Variants in CSTPP1 observed in about 807,000 individuals in gnomAD.
CSTPP1 encodes the protein UPF0705 protein C11orf49.
chr11:47,089,782 A>T, the CSTPP1 span, among the ~76,000 whole-genome samples: 5 of 152,308 alleles, frequency 3.3e-5, no homozygotes, highest in Non-Finnish European at 5.9e-5. Context: ...GTCAGCAGTG[A>T]CAGATAAAAA....
At chr11:47,070,269 A>G in the CSTPP1 span, among the ~76,000 whole-genome samples, 3 of 149,648 alleles carry the variant, frequency 2.0e-5, no homozygotes, top group African/African-American at 7.4e-5. Context: ...AGAGAGGGGG[A>G]GAGAGAGAGA....
At chr11:47,051,691 CTTT>C in the CSTPP1 span, among the ~76,000 whole-genome samples, 4 of 133,018 alleles carry the variant, frequency 3.0e-5, no homozygotes, top group Non-Finnish European at 3.3e-5. Flanking sequence ...TATCTTTTTT[CTTT>C]TTTTTTTTTT....
At chr11:47,161,979 A>C in the CSTPP1 span, 1 of 1,047,638 alleles carries the variant, frequency 9.5e-7, no homozygotes, top group Non-Finnish European at 1.1e-6. Context: ...GTCCCCCAAT[A>C]AGGTTCATCT....
chr11:46,955,841 A>T, the CSTPP1 span, among the ~76,000 whole-genome samples: 3 of 151,972 alleles, frequency 2.0e-5, no homozygotes, highest in African/African-American at 7.2e-5. Context: ...AAAATAAAAA[A>T]ATTAGCTGGG....
At chr11:47,061,901 C>A in the CSTPP1 span, among the ~76,000 whole-genome samples, 1 of 152,108 alleles carries the variant, frequency 6.6e-6, no homozygotes, top group Non-Finnish European at 1.5e-5. Context: ...TAACTTTAAT[C>A]TTTCCCCCTA....
the CSTPP1 span, among the ~76,000 whole-genome samples, chr11:47,037,984 C>G: frequency 4.0e-5 from 5 of 123,852 alleles, no homozygotes; most frequent in African/African-American, 1.3e-4. Context: ...GCTGACCCCC[C>G]CCACCTCCCT....
the CSTPP1 span, among the ~76,000 whole-genome samples, chr11:46,985,694 A>T: frequency 3.9e-5 from 6 of 152,226 alleles, no homozygotes; most frequent in African/African-American, 1.4e-4. Context: ...TAATGCTTTG[A>T]GACAGGCTTT....
At chr11:47,018,431 A>C in the CSTPP1 span, among the ~76,000 whole-genome samples, 2 of 150,826 alleles carry the variant, frequency 1.3e-5, no homozygotes, top group African/African-American at 4.9e-5. Flanking sequence ...AGTACCTGGG[A>C]TTACAGGCAC....
chr11:47,150,569 G>A, the CSTPP1 span, among the ~76,000 whole-genome samples: 2 of 152,146 alleles, frequency 1.3e-5, no homozygotes, highest in Non-Finnish European at 2.9e-5. Context: ...GGTTAGAAAA[G>A]GTGCTTTCCT....
the CSTPP1 span, among the ~76,000 whole-genome samples, chr11:47,147,969 CA>C: frequency 1.7e-4 from 26 of 152,120 alleles, no homozygotes; most frequent in African/African-American, 6.0e-4. Context: ...TTAGGCATTT[CA>C]GGGCAAGTAG....
chr11:47,022,937 G>A, the CSTPP1 span, among the ~76,000 whole-genome samples: 6 of 152,116 alleles, frequency 3.9e-5, no homozygotes, highest in Non-Finnish European at 8.8e-5. Flanking sequence ...AAGTCATACA[G>A]CCAGGAAGAT....
At chr11:46,956,576 G>A in the CSTPP1 span, among the ~76,000 whole-genome samples, 15 of 152,206 alleles carry the variant, frequency 9.9e-5, no homozygotes, top group African/African-American at 2.9e-4. Context: ...TATTTGTCCC[G>A]TTTCAACACA....
chr11:46,960,242 C>T, the CSTPP1 span, among the ~76,000 whole-genome samples: 18 of 152,166 alleles, frequency 1.2e-4, no homozygotes, highest in African/African-American at 4.1e-4. Context: ...TCAAGTGATT[C>T]TCTTGCCTCA....
the CSTPP1 span, among the ~76,000 whole-genome samples, chr11:46,970,860 C>G: frequency 2.0e-5 from 3 of 152,088 alleles, no homozygotes; most frequent in African/African-American, 7.2e-5. Context: ...AAATTAGAAT[C>G]AATCCACATG....
chr11:47,148,569 C>T, the CSTPP1 span, among the ~76,000 whole-genome samples: 1 of 152,212 alleles, frequency 6.6e-6, no homozygotes, highest in Non-Finnish European at 1.5e-5. Context: ...GAAACTAGAT[C>T]GCTGGCTTCT....
chr11:47,112,745 A>T, the CSTPP1 span, among the ~76,000 whole-genome samples: 3 of 152,326 alleles, frequency 2.0e-5, no homozygotes, highest in African/African-American at 7.2e-5. Flanking sequence ...GTAACATGTG[A>T]CACATAATAG....
chr11:47,070,121 C>T, the CSTPP1 span, among the ~76,000 whole-genome samples: 5 of 152,176 alleles, frequency 3.3e-5, no homozygotes, highest in African/African-American at 4.8e-5. Flanking sequence ...GTGCACATGC[C>T]GGTAATCTCA....
the CSTPP1 span, among the ~76,000 whole-genome samples, chr11:47,019,947 A>G: frequency 6.6e-6 from 1 of 152,244 alleles, no homozygotes; most frequent in Non-Finnish European, 1.5e-5. Flanking sequence ...TATTCTGTAT[A>G]ATGAATTTTT....
At chr11:46,996,088 T>G in the CSTPP1 span, among the ~76,000 whole-genome samples, 6 of 152,316 alleles carry the variant, frequency 3.9e-5, no homozygotes, top group Non-Finnish European at 7.4e-5. Context: ...AATCAAAGAC[T>G]AGGATTGCAA....
Sources: gnomAD v4.1 joint callset for allele counts (sites outside exome capture counted in the v4.1 genomes callset) on GRCh38, gnomAD v4.1.1 for gene constraint, MANE v1.5 for transcripts, NCBI Gene and HGNC (gene_info 2026-07-23, HGNC 2026-07-21) for gene names.